The following RAB38 variants were observed in gnomAD, a reference collection of about 807,000 sequenced individuals.
RAB38 encodes ras-related protein Rab-38.
A neutral mutation model predicts 18.4 loss-of-function variants in RAB38; 15 were observed. The observed-to-expected ratio is 0.82, with a 90% CI of 0.55 to 1.26. RAB38 has a LOEUF of 1.26. Among genes scored for constraint, RAB38 ranks in the 50% most tolerant of loss-of-function variants. The pLI is 0.00. For synonymous variants in RAB38, 101 were observed against 104.4 expected, an observed-to-expected ratio of 0.97 and a Z score of 0.20; for missense variants, 294 against 267.4, an observed-to-expected ratio of 1.10 and a Z score of -0.69.
rs575525242 is a variant in RAB38 at position 88,113,354 on chromosome 11, G to C, written c.*634C>G. On this transcript the variant is annotated 3_prime_UTR_variant, in exon 3 of 3. Coordinates refer to ENST00000243662, the MANE Select transcript of RAB38 (RefSeq NM_022337.3). ...TAGAGGAGCCCCACAGCTTGAGTCA[G>C]AGAAAGCTAACAGAAAGGCACATAT... The C allele has an allele frequency of 1.6e-4, 25 of 152,810 alleles. No homozygotes were observed. Among genetic ancestry groups the C allele is most frequent in the Admixed American group, 4.6e-4 (7 of 15,300 alleles). 9.5% of individuals were successfully genotyped at this position (152,810 alleles called of 1,614,324 possible).
the RAB38 span, among the ~76,000 whole-genome samples, chr11:87,963,429 T>G: frequency 6.6e-6 from 1 of 152,142 alleles, no homozygotes; most frequent in South Asian, 2.1e-4. Context: ...ATACATACAG[T>G]TCTAAGATAC....
chr11:88,041,025 C>T, the RAB38 span, among the ~76,000 whole-genome samples: 1 of 152,194 alleles, frequency 6.6e-6, no homozygotes, highest in Non-Finnish European at 1.5e-5. Flanking sequence ...GCTGGATTCC[C>T]TGTGTGTTCC....
At chr11:87,827,306 T>C in the RAB38 span, among the ~76,000 whole-genome samples, 1 of 152,032 alleles carries the variant, frequency 6.6e-6, no homozygotes, top group African/African-American at 2.4e-5. Context: ...TTTTTTTCTT[T>C]TGGCTGGCTT....
At chr11:88,140,804 AG>A (rs1322650203) in intron 2 of RAB38, among the ~76,000 whole-genome samples, 1 of 152,156 alleles carries the variant, frequency 6.6e-6, no homozygotes, top group Non-Finnish European at 1.5e-5. Context: ...CTCAAGAATG[AG>A]GGGTTTCTAA....
chr11:88,022,635 A>AAAAAAAAG, the RAB38 span, among the ~76,000 whole-genome samples: 2 of 149,900 alleles, frequency 1.3e-5, no homozygotes, highest in Non-Finnish European at 3.0e-5. Flanking sequence ...AAAAAAAACA[A>AAAAAAAAG]CTATTAGAAC....
At chr11:88,028,931 A>T in the RAB38 span, among the ~76,000 whole-genome samples, 1 of 152,190 alleles carries the variant, frequency 6.6e-6, no homozygotes, top group African/African-American at 2.4e-5. Flanking sequence ...TAATTGTCAG[A>T]TTCGCCAAAG....
chr11:87,876,373 A>T, the RAB38 span, among the ~76,000 whole-genome samples: 67 of 151,648 alleles, frequency 4.4e-4, no homozygotes, highest in Admixed American at 1.5e-3. Context: ...TCTTTCACAG[A>T]TGTTGGACAA....
At chr11:88,019,317 T>C in the RAB38 span, among the ~76,000 whole-genome samples, 1 of 152,152 alleles carries the variant, frequency 6.6e-6, no homozygotes, top group Admixed American at 6.6e-5. Flanking sequence ...TTTTTTTCTT[T>C]CATAGAAATG....
At chr11:88,173,668 A>C in intron 1 of RAB38, 1 of 985,386 alleles carries the variant, frequency 1.0e-6, no homozygotes, top group African/African-American at 1.7e-5. Context: ...AGCAGCCAGA[A>C]GGGTTTTCAG....
chr11:88,112,551 T>G (rs1475612912), downstream of RAB38, among the ~76,000 whole-genome samples: 2 of 152,108 alleles, frequency 1.3e-5, no homozygotes, highest in Admixed American at 6.5e-5. Context: ...CCACGTTTCC[T>G]CCACTAAAGT....
chr11:87,887,725 A>C, the RAB38 span, among the ~76,000 whole-genome samples: 1 of 151,982 alleles, frequency 6.6e-6, no homozygotes, highest in Non-Finnish European at 1.5e-5. Context: ...TTTGAAACAT[A>C]CATCTAGCTA....
chr11:88,053,445 T>C, the RAB38 span, among the ~76,000 whole-genome samples: 72 of 129,970 alleles, frequency 5.5e-4, 4 homozygotes, highest in African/African-American at 2.0e-3. Flanking sequence ...TATATATATA[T>C]ACACACATAT....
At chr11:87,927,565 C>T in the RAB38 span, among the ~76,000 whole-genome samples, 109 of 152,006 alleles carry the variant, frequency 7.2e-4, no homozygotes, top group Non-Finnish European at 1.3e-3. Context: ...AGAAGCCTTC[C>T]TCCTATCCCT....
the RAB38 span, among the ~76,000 whole-genome samples, chr11:88,088,021 G>T: frequency 6.6e-6 from 1 of 151,850 alleles, no homozygotes; most frequent in South Asian, 2.1e-4. Context: ...AATTTTATGG[G>T]TGTAGGCCCT....
chr11:88,029,972 C>G, the RAB38 span, among the ~76,000 whole-genome samples: 1 of 152,076 alleles, frequency 6.6e-6, no homozygotes, highest in African/African-American at 2.4e-5. Flanking sequence ...TGACCACATA[C>G]ATGGAGGTAA....
the RAB38 span, among the ~76,000 whole-genome samples, chr11:87,832,336 A>T: frequency 1.3e-5 from 2 of 152,184 alleles, no homozygotes; most frequent in Non-Finnish European, 2.9e-5. Context: ...CACTTAAAAA[A>T]ATCCCACTAG....
chr11:87,834,445 C>A, the RAB38 span, among the ~76,000 whole-genome samples: 7 of 152,094 alleles, frequency 4.6e-5, no homozygotes, highest in African/African-American at 1.7e-4. Context: ...TAAGCTACAG[C>A]GTTTGTTTTG....
chr11:87,864,723 C>G, the RAB38 span, among the ~76,000 whole-genome samples: 1 of 151,732 alleles, frequency 6.6e-6, no homozygotes, highest in Non-Finnish European at 1.5e-5. Context: ...ATATTCTTCC[C>G]TCAACACTAC....
chr11:87,956,558 A>G, the RAB38 span, among the ~76,000 whole-genome samples: 1 of 150,766 alleles, frequency 6.6e-6, no homozygotes, highest in African/African-American at 2.5e-5. Context: ...CGGCAGGATA[A>G]TTAACCCCTA....
Sources: allele counts gnomAD v4.1 joint callset (sites outside exome capture counted in the v4.1 genomes callset), GRCh38; gene constraint gnomAD v4.1.1; transcripts MANE v1.5; gene names NCBI Gene and HGNC (gene_info 2026-07-23, HGNC 2026-07-21).